The following PKD1L3 variants were observed in gnomAD, a reference collection of about 807,000 sequenced individuals.
PKD1L3 encodes polycystin 1 like 3, transient receptor potential channel interacting, also known as polycystin-1-like protein 3.
In PKD1L3, 239 loss-of-function variants were observed where a neutral mutation model predicts 184.1. The ratio of observed to expected loss-of-function variants is 1.30; its 90% CI spans 1.17 to 1.45. PKD1L3 has a LOEUF of 1.45. PKD1L3 is among the 40% of genes most tolerant of loss of function. PKD1L3 has a pLI of 0.00. For synonymous variants in PKD1L3, 996 were observed against 778.8 expected (o/e 1.28, Z -4.64); for missense variants, 2,660 against 2,067.2 (o/e 1.29, Z -5.56).
chr16:71,951,418 C>G (rs1023464452), intron 19 of PKD1L3, 146 bp downstream of exon 19: 2 of 737,946 alleles, frequency 2.7e-6, no homozygotes, highest in East Asian at 2.8e-5. Flanking sequence ...ACAAAGCTAT[C>G]AACTCTATAC....
chr16:71,981,352 G>A lies in PKD1L3; in HGVS notation c.1143+707C>T, dbSNP rs8051431. Among the ~76,000 whole-genome samples, 5 of 151,518 alleles carry A rather than the reference G, an allele frequency of 3.3e-5. No homozygotes were observed. The East Asian group carries it at 7.8e-4, about 24-fold the overall frequency. Reference sequence around the variant, plus strand: ...CATTTTACAATCGAACAATGGATAGGGTGGCAAGTTCTCTGCATCCTTGCC... The same window carrying A: ...CATTTTACAATCGAACAATGGATAGAGTGGCAAGTTCTCTGCATCCTTGCC... On this transcript the variant is annotated intron_variant, in intron 7 of 29. Coordinates refer to ENST00000620267, the MANE Select transcript of PKD1L3 (RefSeq NM_181536.2).
chr16:71,930,716 T>A (rs1051126543), intron 28 of PKD1L3: 4 of 152,236 alleles, frequency 2.6e-5, no homozygotes, highest in African/African-American at 9.6e-5. Context: ...TCTTTACTTT[T>A]CTGCATACAT....
chr16:71,970,195 A>G (rs2039659874), intron 12 of PKD1L3, 90 bp from the exon 13 acceptor site: 1 of 1,021,678 alleles, frequency 9.8e-7, no homozygotes, highest in Non-Finnish European at 1.4e-6. Flanking sequence ...TTAGAGATGG[A>G]AAGAGGTATC....
At chr16:71,983,299 A>G (rs530611071) in intron 6 of PKD1L3, among the ~76,000 whole-genome samples, 1 of 152,134 alleles carries the variant, frequency 6.6e-6, no homozygotes, top group South Asian at 2.1e-4. Flanking sequence ...GGTGAGCACC[A>G]CCACACCCAG....
At chr16:71,964,277 C>T (rs2039404222) in intron 15 of PKD1L3, among the ~76,000 whole-genome samples, 1 of 122,506 alleles carries the variant, frequency 8.2e-6, no homozygotes. Flanking sequence ...CTGTGTTTGT[C>T]ATGAAACCAC....
At chr16:71,946,049 C>G (rs1434075140) in intron 22 of PKD1L3, among the ~76,000 whole-genome samples, 1 of 152,168 alleles carries the variant, frequency 6.6e-6, no homozygotes, top group Non-Finnish European at 1.5e-5. Context: ...ACCTCCGCCT[C>G]CCAGGTTCAA....
intron 16 of PKD1L3, among the ~76,000 whole-genome samples, chr16:71,958,780 CAAAAAAAA>C (rs547912125): frequency 6.1e-5 from 4 of 65,120 alleles, no homozygotes; most frequent in Admixed American, 2.2e-4. Context: ...GACTCTATCT[CAAAAAAAA>C]AAAAAAAAAA....
Position 71,930,182 on chromosome 16 carries a change from A to T in PKD1L3, c.4928T>A (p.Val1643Asp). ...GCCCAGGACTGGGTCTAAAGCGAAAACCTGGGAAAACAATAAGAACACTTG... is the reference window on the plus strand; with the variant it reads ...GCCCAGGACTGGGTCTAAAGCGAAATCCTGGGAAAACAATAAGAACACTTG... ...LLMGISHQEE[V>D]FALDPVLGTF... Residue 1643 changes from valine (V) to aspartate (D), a missense_variant and splice_region_variant, in exon 29 of 30, where the codon GTT (valine) becomes GAT (aspartate). Val to Asp is a radical substitution (Grantham distance 152). Transcript: ENST00000620267. The T allele has an allele frequency of 5.2e-6, 8 of 1,539,596 alleles. No homozygotes were observed. The highest frequency in any genetic ancestry group is 7.0e-6 in the Non-Finnish European group (8 of 1,142,644).
At chr16:71,997,454 A>G (rs1379372197) in intron 2 of PKD1L3, among the ~76,000 whole-genome samples, 1 of 150,574 alleles carries the variant, frequency 6.6e-6, no homozygotes, top group Non-Finnish European at 1.5e-5. Flanking sequence ...GTCTCCACAT[A>G]AAAAAATAAA....
intron 3 of PKD1L3, 68 bp from the exon 4 acceptor site, chr16:71,990,397 G>C (rs1189604357): frequency 7.6e-7 from 1 of 1,323,594 alleles, no homozygotes. Context: ...TTTTACTTGA[G>C]GACTTCTTAT....
intron 22 of PKD1L3, among the ~76,000 whole-genome samples, chr16:71,945,588 G>C (rs2038572393): frequency 6.6e-6 from 1 of 151,642 alleles, no homozygotes; most frequent in Admixed American, 6.6e-5. Context: ...TGACACAGGA[G>C]AACTGCTTGA....
At chr16:71,953,594 C>G (rs2038932970) in intron 17 of PKD1L3, among the ~76,000 whole-genome samples, 1 of 152,350 alleles carries the variant, frequency 6.6e-6, no homozygotes, top group East Asian at 1.9e-4. Context: ...GGAACTGCCA[C>G]ACACTTTTTT....
intron 28 of PKD1L3, 120 bp from the exon 29 acceptor site, chr16:71,930,303 G>C (rs1005941934): frequency 1.2e-5 from 12 of 1,024,100 alleles, no homozygotes; most frequent in Non-Finnish European, 1.5e-5. Flanking sequence ...AGGAAACTTA[G>C]GGAGAGAGTC....
At chr16:71,982,927 C>T (rs1263310197) in intron 6 of PKD1L3, among the ~76,000 whole-genome samples, 1 of 152,048 alleles carries the variant, frequency 6.6e-6, no homozygotes, top group East Asian at 1.9e-4. Context: ...TTCTTATTAG[C>T]AGCTTAATAT....
In PKD1L3 at chr16:71,978,304, C is replaced by G. The variant is rs1331175770; in HGVS notation, c.1478G>C (p.Ser493Thr). The part of the protein sequence containing the change: ...IVGSIGSVLL[S>T]ANRKLLQVHD... ...GACTTGGAGCAATTTACGATTAGCG[C>G]TTAGTAACACACTTCCAATGCTTCC... Residue 493 changes from serine (S) to threonine (T), a missense_variant, in exon 10 of 30, where the codon AGC becomes ACC. By Grantham distance (58) the Ser-to-Thr change is moderately conservative (BLOSUM62 1). Transcript: ENST00000620267. 13 of 1,550,694 alleles carry G rather than the reference C, an allele frequency of 8.4e-6. No individual in the cohort carries two copies. Among genetic ancestry groups the G allele is most frequent in the Non-Finnish European group, 1.1e-5 (13 of 1,146,486 alleles).
At chr16:71,938,353 G>A (rs1275193820) in intron 24 of PKD1L3, among the ~76,000 whole-genome samples, 1 of 152,244 alleles carries the variant, frequency 6.6e-6, no homozygotes, top group Admixed American at 6.5e-5. Flanking sequence ...GTAAGGGGGG[G>A]CTGAGGGTGG....
intron 3 of PKD1L3, among the ~76,000 whole-genome samples, chr16:71,992,633 A>G (rs1340725509): frequency 2.0e-5 from 3 of 152,196 alleles, no homozygotes; most frequent in South Asian, 4.1e-4. Context: ...TGGATTTTAC[A>G]TTTGTTCTTT....
chr16:71,993,796 G>A (rs1360218679), intron 2 of PKD1L3, among the ~76,000 whole-genome samples: 1 of 151,866 alleles, frequency 6.6e-6, no homozygotes, highest in Non-Finnish European at 1.5e-5. Context: ...TTTTTTTTGA[G>A]ACAATTTTTG....
intron 7 of PKD1L3, among the ~76,000 whole-genome samples, chr16:71,981,208 G>A (rs982996441): frequency 3.9e-5 from 6 of 152,180 alleles, no homozygotes; most frequent in African/African-American, 1.4e-4. Context: ...ACAAGTTTCT[G>A]TATGGACATG....
Sources: gnomAD v4.1 joint callset for allele counts (sites outside exome capture counted in the v4.1 genomes callset) on GRCh38, gnomAD v4.1.1 for gene constraint, MANE v1.5 for transcripts, NCBI Gene and HGNC (gene_info 2026-07-23, HGNC 2026-07-21) for gene names.